UBR3: variants seen among roughly 807,000 people sequenced by gnomAD.
The protein encoded by UBR3 is ubiquitin protein ligase E3 component n-recognin 3.
UBR3 carries 85 observed loss-of-function variants against 243.2 expected under a neutral mutation model. That is an observed-to-expected ratio of 0.35 (90% confidence interval 0.29 to 0.42). The LOEUF is 0.42. Ranked by LOEUF, UBR3 falls within the 10% of genes least tolerant of loss-of-function variation. The pLI is 1.00. For synonymous variants in UBR3, 748 were observed against 799.8 expected, an observed-to-expected ratio of 0.94 and a Z score of 1.09; for missense variants, 1,686 against 2,300.8, an observed-to-expected ratio of 0.73 and a Z score of 5.47.
Position 169,896,733 on chromosome 2 carries a change from A to C in UBR3, c.1463A>C (p.Gln488Pro). 1.9e-6 allele frequency: 3 copies of C among 1,544,662 alleles called. No individual in the cohort carries two copies. Among genetic ancestry groups the C allele is most frequent in the Non-Finnish European group, 2.6e-6 (3 of 1,142,256 alleles). The change falls in exon 8 of 39, where the codon CAA becomes CCA. Residue 488 changes from glutamine to proline, a missense_variant and splice_region_variant. Gln to Pro is a moderately conservative substitution (Grantham distance 76). Coordinates refer to ENST00000272793, the MANE Select transcript of UBR3 (RefSeq NM_172070.4). ...MESCLIKSEL[Q>P]DEENSLHVVV... ...AGTTGCCTTATTAAAAGTGAGCTAC[A>C]AGGTAACTCAGAATTATATTCACTA...
chr2:169,895,038 T>C, intron 6 of UBR3, 143 bp from the exon 7 acceptor site: 1 of 736,376 alleles, frequency 1.4e-6, no homozygotes, highest in Non-Finnish European at 2.0e-6. Context: ...TATAGAAATC[T>C]AGCTTGTCAA....
intron 8 of UBR3, among the ~76,000 whole-genome samples, chr2:169,904,869 C>G (rs61294680): frequency 2.0e-5 from 3 of 152,130 alleles, no homozygotes; most frequent in African/African-American, 7.2e-5. Context: ...TAATGATATA[C>G]TAAGTACTTT....
chr2:169,944,358 A>T (rs1282779075), intron 20 of UBR3, among the ~76,000 whole-genome samples: 2 of 152,208 alleles, frequency 1.3e-5, no homozygotes, highest in Non-Finnish European at 2.9e-5. Context: ...GTGACAAGTA[A>T]TTCATGAAAA....
intron 1 of UBR3, among the ~76,000 whole-genome samples, chr2:169,856,115 C>T (rs571607671): frequency 6.9e-6 from 1 of 143,990 alleles, no homozygotes; most frequent in African/African-American, 2.7e-5. Context: ...ACTTCTCAGA[C>T]GGGGGCAGCC....
At chr2:169,853,811 C>A (rs1237933433) in intron 1 of UBR3, among the ~76,000 whole-genome samples, 1 of 150,672 alleles carries the variant, frequency 6.6e-6, no homozygotes, top group East Asian at 1.9e-4. Flanking sequence ...TTTTTTAAAT[C>A]TGCATGCATT....
rs777186266 is a variant in UBR3, at chr2:170,080,602, A to G, written c.5467A>G (p.Ile1823Val). The G allele has an allele frequency of 1.2e-5, 19 of 1,613,894 alleles. No individual in the cohort carries two copies. In the Admixed American group the frequency reaches 2.8e-4, roughly 24 times the overall value. ...TTTCCTTTTGATCAATGCATCGGTA[A>G]TTATCATCATTCGAGGTCACCGCTT... Reference protein sequence around the residue: ...GIFLLINASVIIIIRGHRFCL... With the variant: ...GIFLLINASVVIIIRGHRFCL... The change falls in exon 38 of 39, where the codon ATT (isoleucine) becomes GTT (valine). Residue 1823 changes from isoleucine to valine, a missense_variant. Coordinates refer to ENST00000272793, the MANE Select transcript of UBR3 (RefSeq NM_172070.4).
chr2:169,839,596 C>G (rs1424602738), intron 1 of UBR3, among the ~76,000 whole-genome samples: 3 of 152,040 alleles, frequency 2.0e-5, no homozygotes, highest in African/African-American at 7.2e-5. Flanking sequence ...TTGATCTTTA[C>G]AAATTATATG....
At chr2:169,983,623 A>G (rs2105385942) in intron 24 of UBR3, among the ~76,000 whole-genome samples, 1 of 151,898 alleles carries the variant, frequency 6.6e-6, no homozygotes, top group South Asian at 2.1e-4. Context: ...GGGGAAATAA[A>G]CTCTCTCTTG....
chr2:170,003,789 C>T (rs561315586), intron 27 of UBR3, among the ~76,000 whole-genome samples: 8 of 152,208 alleles, frequency 5.3e-5, no homozygotes, highest in Admixed American at 1.3e-4. Flanking sequence ...TACAGGCGCC[C>T]GCCACCACGC....
chr2:169,842,940 C>T (rs1470815610), intron 1 of UBR3, among the ~76,000 whole-genome samples: 1 of 152,218 alleles, frequency 6.6e-6, no homozygotes, highest in East Asian at 1.9e-4. Context: ...CGATATTCCT[C>T]ATTTCTGTTT....
rs562413773 is a variant in UBR3, at chr2:170,007,119, C to A, written c.4159C>A (p.Pro1387Thr). Residue 1387 changes from proline (P) to threonine (T), a missense_variant, in exon 28 of 39, where the codon CCT becomes ACT. Pro to Thr is a conservative substitution (Grantham distance 38). Coordinates refer to ENST00000272793, the MANE Select transcript of UBR3 (RefSeq NM_172070.4). ...SNVENNPWQR[P>T]SNKSIQDLIK... is the part of the protein sequence containing the mutation. ...TGTGGAAAATAACCCTTGGCAACGT[C>A]CTAGCAACAAAAGCATACAAGATCT... is the stretch of plus-strand genomic sequence containing the variant. 4 of 1,613,420 alleles carry A rather than the reference C, an allele frequency of 2.5e-6. No homozygotes were observed. The South Asian group carries it at 4.4e-5, about 18-fold the overall frequency.
rs200542621 is a variant in UBR3, at chr2:170,034,981, ATC to A, written c.4556+5535_4556+5536del. Among the ~76,000 whole-genome samples, 981 of 152,040 alleles carry A rather than the reference ATC, an allele frequency of 6.5e-3. 11 individuals are homozygous for A. Among genetic ancestry groups the A allele is most frequent in the African/African-American group, 0.022 (919 of 41,536 alleles). On this transcript the variant is annotated intron_variant, in intron 31 of 38. Transcript: ENST00000272793. ...ATCTGTATATCTTCTTTGGTGAGGT[ATC>A]TGTTAATGCCGTGGTACCATTTTTT...
chr2:169,942,726 A>AT, intron 20 of UBR3, 92 bp downstream of exon 20: 1 of 1,245,468 alleles, frequency 8.0e-7, no homozygotes, highest in Non-Finnish European at 1.0e-6. Context: ...AGTACCACTT[A>AT]TAAAGCAAAG....
At chr2:169,921,947 C>T (rs1339696262) in intron 11 of UBR3, among the ~76,000 whole-genome samples, 2 of 151,256 alleles carry the variant, frequency 1.3e-5, no homozygotes, top group African/African-American at 4.9e-5. Context: ...GCTGAGATCG[C>T]GCCACCGTAC....
In UBR3 at chr2:169,942,607, C is replaced by T; in HGVS notation, c.2778C>T (p.His926=). 2.6e-6 allele frequency: 4 copies of T among 1,548,928 alleles called. No individual in the cohort carries two copies. Among genetic ancestry groups the T allele is most frequent in the African/African-American group, 1.4e-5 (1 of 73,078 alleles). ...LMRLLHCKTL[H]IVLFTLLYKI... ...GACTTTTGCACTGTAAAACTTTACA[C>T]ATTGTGCTATTCACTCTGCTTTACA... Residue 926 remains histidine (H), a synonymous_variant, in exon 20 of 39, where the codon CAC becomes CAT. Transcript: ENST00000272793.
At chr2:169,913,213 G>A (rs2085322402) in intron 10 of UBR3, among the ~76,000 whole-genome samples, 1 of 152,164 alleles carries the variant, frequency 6.6e-6, no homozygotes, top group Non-Finnish European at 1.5e-5. Flanking sequence ...TCTAGTTGGT[G>A]TGAATTGGTA....
intron 10 of UBR3, among the ~76,000 whole-genome samples, chr2:169,906,784 C>G (rs547641667): frequency 6.6e-6 from 1 of 152,170 alleles, no homozygotes; most frequent in African/African-American, 2.4e-5. Context: ...TTCTTTTTTA[C>G]TTGCGTGACT....
intron 30 of UBR3, among the ~76,000 whole-genome samples, chr2:170,017,542 C>G (rs867095432): frequency 0.097 from 4,350 of 44,780 alleles, 57 homozygotes; most frequent in Admixed American, 0.12. Flanking sequence ...CACACACACA[C>G]ACAGACACAC....
chr2:170,015,108 T>C (rs1220043754), intron 29 of UBR3, 173 bp from the exon 30 acceptor site: 1 of 523,498 alleles, frequency 1.9e-6, no homozygotes, highest in African/African-American at 1.9e-5. Flanking sequence ...ATTGTTCCCT[T>C]TGTATTTCTA....
Sources: allele counts gnomAD v4.1 joint callset (sites outside exome capture counted in the v4.1 genomes callset), GRCh38; gene constraint gnomAD v4.1.1; transcripts MANE v1.5; gene names NCBI Gene and HGNC (gene_info 2026-07-23, HGNC 2026-07-21).